Variants in FAM168A observed in about 807,000 individuals in gnomAD.
FAM168A encodes protein FAM168A.
FAM168A carries 3 observed loss-of-function variants against 28.5 expected under a neutral mutation model. The ratio of observed to expected loss-of-function variants is 0.11; its 90% confidence interval spans 0.05 to 0.27. FAM168A has a LOEUF of 0.27. Ranked by LOEUF, FAM168A falls within the 10% of genes least tolerant of loss-of-function variation. The probability of loss-of-function intolerance (pLI) is 1.00; values close to 1 mark genes in which losing one functional copy is unlikely to be tolerated. For synonymous variants in FAM168A, 122 were observed against 124.2 expected, an observed-to-expected ratio of 0.98 and a Z score of 0.12; for missense variants, 222 against 311.5, an observed-to-expected ratio of 0.71 and a Z score of 2.16.
chr11:73,533,940 G>A (rs545974598), intron 1 of FAM168A, among the ~76,000 whole-genome samples: 6 of 152,208 alleles, frequency 3.9e-5, no homozygotes, highest in African/African-American at 1.2e-4. Context: ...GTGGAATTAT[G>A]AATAAGTGCC....
At chr11:73,554,579 T>C (rs910465225) in intron 1 of FAM168A, among the ~76,000 whole-genome samples, 1 of 152,060 alleles carries the variant, frequency 6.6e-6, no homozygotes, top group Non-Finnish European at 1.5e-5. Context: ...CAGGCATTTT[T>C]CCAAAAAACA....
In FAM168A at chr11:73,401,977, A is replaced by G. The variant is rs1379089960; in HGVS notation, c.*4786T>C. ...AAAGGGGCAGATAAGTAAAGGACAA[A>G]CCCTGCAGCCCCCTTGGCATGCCTG... On this transcript the variant is annotated 3_prime_UTR_variant, in exon 8 of 8. Transcript: ENST00000356467. 1 of 152,146 alleles carries G rather than the reference A, an allele frequency of 6.6e-6. No individual in the cohort carries two copies. The highest frequency in any genetic ancestry group is 1.5e-5 in the Non-Finnish European group (1 of 68,028). 9.4% of individuals were successfully genotyped at this position (152,146 alleles called of 1,614,324 possible). A position where few individuals can be genotyped will look rare whatever the true frequency, so the allele number is the denominator to read the frequency against.
intron 1 of FAM168A, among the ~76,000 whole-genome samples, chr11:73,524,375 G>A (rs1394300644): frequency 6.6e-6 from 1 of 151,210 alleles, no homozygotes; most frequent in Non-Finnish European, 1.5e-5. Context: ...CTAACTATGA[G>A]GAGATCCAAA....
At chr11:73,547,026 C>T (rs1943764082) in intron 1 of FAM168A, among the ~76,000 whole-genome samples, 1 of 150,042 alleles carries the variant, frequency 6.7e-6, no homozygotes, top group South Asian at 2.1e-4. Context: ...GTGACTCACA[C>T]CTGTAATCCT....
At chr11:73,442,286 C>G in intron 2 of FAM168A, among the ~76,000 whole-genome samples, 2 of 152,022 alleles carry the variant, frequency 1.3e-5, no homozygotes, top group East Asian at 3.8e-4. Context: ...CCACCACGCA[C>G]GGCTAATTTT....
intron 1 of FAM168A, among the ~76,000 whole-genome samples, chr11:73,531,669 T>C (rs1943514888): frequency 1.3e-5 from 2 of 152,042 alleles, no homozygotes; most frequent in Admixed American, 1.3e-4. Flanking sequence ...AGCTTCTCAC[T>C]GCTTCTCTTA....
chr11:73,445,311 A>C (rs1217152948), intron 2 of FAM168A, among the ~76,000 whole-genome samples: 1 of 151,524 alleles, frequency 6.6e-6, no homozygotes, highest in Admixed American at 6.6e-5. Context: ...ATTTTCAATT[A>C]ATCTCTTATT....
chr11:73,462,761 G>A (rs1178698182), intron 2 of FAM168A, among the ~76,000 whole-genome samples: 2 of 151,898 alleles, frequency 1.3e-5, no homozygotes, highest in Admixed American at 6.6e-5. Flanking sequence ...CAGCTAAGAA[G>A]GCTGAGGCAG....
chr11:73,593,351 TTACAATTTAAAAAA>T (rs1371165310), intron 1 of FAM168A, among the ~76,000 whole-genome samples: 2 of 152,166 alleles, frequency 1.3e-5, no homozygotes, highest in African/African-American at 4.8e-5. Flanking sequence ...ATGACATATT[TTACAATTTAAAAAA>T]AGGATATAAA....
chr11:73,498,234 T>G (rs151212949), intron 1 of FAM168A, among the ~76,000 whole-genome samples: 1 of 152,074 alleles, frequency 6.6e-6, no homozygotes, highest in Non-Finnish European at 1.5e-5. Flanking sequence ...TCATCAAAAT[T>G]GACTAGAAGG....
intron 2 of FAM168A, among the ~76,000 whole-genome samples, chr11:73,460,176 G>A (rs773828863): frequency 5.8e-4 from 88 of 151,644 alleles, no homozygotes; most frequent in African/African-American, 1.8e-3. Flanking sequence ...CACCGCACCC[G>A]GCCTCCAAAT....
At chr11:73,510,959 T>G (rs1305052791) in intron 1 of FAM168A, 1 of 225,914 alleles carries the variant, frequency 4.4e-6, no homozygotes. Context: ...TGCTAGGAGG[T>G]CATGGCTAAT....
intron 1 of FAM168A, among the ~76,000 whole-genome samples, chr11:73,521,199 G>C (rs528800029): frequency 6.6e-6 from 1 of 152,196 alleles, no homozygotes; most frequent in Non-Finnish European, 1.5e-5. Flanking sequence ...GATTATCTCA[G>C]TAAGTGCCAC....
intron 1 of FAM168A, among the ~76,000 whole-genome samples, chr11:73,494,386 G>A (rs1309118827): frequency 2.0e-5 from 3 of 152,152 alleles, no homozygotes; most frequent in Non-Finnish European, 4.4e-5. Context: ...GTGCTTATTG[G>A]TTAGTTCAAA....
intron 2 of FAM168A, 106 bp from the exon 3 acceptor site, chr11:73,430,876 C>T (rs896837390): frequency 1.1e-6 from 1 of 881,654 alleles, no homozygotes; most frequent in East Asian, 2.7e-5. Context: ...AATCCAAGTC[C>T]TAGGTTTGGC....
intron 2 of FAM168A, among the ~76,000 whole-genome samples, chr11:73,445,683 G>A (rs960973846): frequency 6.6e-6 from 1 of 151,960 alleles, no homozygotes; most frequent in African/African-American, 2.4e-5. Flanking sequence ...ATGCACACCA[G>A]GACAGGATTT....
At chr11:73,474,171 C>G (rs1396814921) in intron 1 of FAM168A, among the ~76,000 whole-genome samples, 4 of 151,968 alleles carry the variant, frequency 2.6e-5, no homozygotes, top group Non-Finnish European at 5.9e-5. Flanking sequence ...ATAGCTGAGA[C>G]TAGGTAATTA....
intron 2 of FAM168A, among the ~76,000 whole-genome samples, chr11:73,449,919 G>A (rs1231900890): frequency 6.6e-6 from 1 of 152,176 alleles, no homozygotes; most frequent in African/African-American, 2.4e-5. Context: ...CCTGCTGACA[G>A]CAGTAATAGC....
Position 73,472,119 on chromosome 11 carries a change from C to G in FAM168A, c.-18-3627G>C, listed in dbSNP as rs573346477. Among the ~76,000 whole-genome samples the G allele has an allele frequency of 3.3e-5, 5 of 152,292 alleles. No homozygotes were observed. The East Asian group carries it at 5.8e-4, about 18-fold the overall frequency. On this transcript the variant is annotated intron_variant, in intron 1 of 7. Coordinates refer to ENST00000356467, the MANE Select transcript of FAM168A (RefSeq NM_015159.3). The stretch of plus-strand genomic sequence containing the variant: ...CCCCCCTCTCCCCGCCCCATCTCCA[C>G]ACATACCCCTGGTCCCTGGTGCCAA...
Sources: gnomAD v4.1 joint callset for allele counts (sites outside exome capture counted in the v4.1 genomes callset) on GRCh38, gnomAD v4.1.1 for gene constraint, MANE v1.5 for transcripts, NCBI Gene and HGNC (gene_info 2026-07-23, HGNC 2026-07-21) for gene names.